The following ERAP1 variants were observed in gnomAD, a reference collection of about 807,000 sequenced individuals.
ERAP1 encodes the protein endoplasmic reticulum aminopeptidase 1, also known as adipocyte-derived leucine aminopeptidase.
In ERAP1, 86 loss-of-function variants were observed where a neutral mutation model predicts 103.7. That is an observed-to-expected ratio of 0.83 (90% confidence interval 0.70 to 0.99). ERAP1 has a LOEUF of 0.99. ERAP1 is among the 50% of genes least tolerant of loss of function. ERAP1 has a pLI of 0.00. For synonymous variants in ERAP1, 398 were observed against 402.4 expected, an observed-to-expected ratio of 0.99 and a Z score of 0.13; for missense variants, 1,009 against 1,128.4, an observed-to-expected ratio of 0.89 and a Z score of 1.52.
the ERAP1 span, chr5:96,913,364 T>C: frequency 6.2e-7 from 1 of 1,614,056 alleles, no homozygotes; most frequent in Middle Eastern, 1.6e-4. Context: ...ACACAGAACT[T>C]GGCAGCTCTC....
the ERAP1 span, among the ~76,000 whole-genome samples, chr5:96,830,351 T>G: frequency 6.6e-6 from 1 of 152,176 alleles, no homozygotes; most frequent in Non-Finnish European, 1.5e-5. Flanking sequence ...CTAGGAAATT[T>G]GAAGATGTGC....
At chr5:96,899,972 C>G in the ERAP1 span, 1 of 902,486 alleles carries the variant, frequency 1.1e-6, no homozygotes, top group Non-Finnish European at 1.7e-6. Context: ...TGCAAACATG[C>G]CTTTTTTTCC....
At chr5:96,927,588 G>T in the ERAP1 span, among the ~76,000 whole-genome samples, 2 of 152,004 alleles carry the variant, frequency 1.3e-5, no homozygotes, top group Non-Finnish European at 2.9e-5. Context: ...CCGGGTTCAC[G>T]CCATTCTCCT....
the ERAP1 span, among the ~76,000 whole-genome samples, chr5:96,870,129 C>G: frequency 8.5e-5 from 13 of 152,100 alleles, no homozygotes; most frequent in African/African-American, 2.9e-4. Context: ...ATAGTAGGAC[C>G]AGGGGCTGCA....
At chr5:96,868,645 G>A in the ERAP1 span, among the ~76,000 whole-genome samples, 1 of 152,110 alleles carries the variant, frequency 6.6e-6, no homozygotes, top group African/African-American at 2.4e-5. Flanking sequence ...TCAAATTTTA[G>A]TGTGTATCAG....
the ERAP1 span, chr5:96,913,359 G>A: frequency 1.2e-6 from 2 of 1,614,100 alleles, no homozygotes; most frequent in East Asian, 4.5e-5. Context: ...TCAAGACACA[G>A]AACTTGGCAG....
chr5:96,902,575 T>A, the ERAP1 span: 1 of 424,314 alleles, frequency 2.4e-6, no homozygotes, highest in Non-Finnish European at 4.2e-6. Context: ...TAGAGACAGA[T>A]TATTTACATC....
chr5:96,889,910 C>A, the ERAP1 span, among the ~76,000 whole-genome samples: 1 of 151,836 alleles, frequency 6.6e-6, no homozygotes, highest in African/African-American at 2.4e-5. Flanking sequence ...ATCACCATAC[C>A]TTATTTGTAC....
At chr5:96,899,273 C>G in the ERAP1 span, among the ~76,000 whole-genome samples, 1 of 152,114 alleles carries the variant, frequency 6.6e-6, no homozygotes, top group Non-Finnish European at 1.5e-5. Context: ...CAGCTAGTTC[C>G]TAGTTTTAAG....
Position 96,803,133 on chromosome 5 carries a change from G to A in ERAP1, c.524+270C>T, listed in dbSNP as rs184828402. ...TACACAGTTCAGGAAAATTAAACAT[G>A]TTTATTATGTCTCAGAAATCGAACC... On this transcript the variant is annotated intron_variant, in intron 2 of 18. Coordinates refer to ENST00000443439, the MANE Select transcript of ERAP1 (RefSeq NM_001040458.3). Among the ~76,000 whole-genome samples the A allele has an allele frequency of 2.5e-3, 381 of 152,204 alleles. 6 individuals are homozygous for A. Among genetic ancestry groups the A allele is most frequent in the Admixed American group, 0.022 (336 of 15,280 alleles).
chr5:96,875,574 G>T, the ERAP1 span, among the ~76,000 whole-genome samples: 1 of 151,776 alleles, frequency 6.6e-6, no homozygotes, highest in Non-Finnish European at 1.5e-5. Flanking sequence ...AAATCAACAG[G>T]CTTTGGTAAC....
At chr5:96,879,618 C>T in the ERAP1 span, 3 of 1,280,460 alleles carry the variant, frequency 2.3e-6, no homozygotes, top group Non-Finnish European at 3.4e-6. Context: ...TAACTGGAGC[C>T]AGTGCAGTGC....
At chr5:96,778,422 A>G (rs1466122205) in intron 18 of ERAP1, among the ~76,000 whole-genome samples, 2 of 152,190 alleles carry the variant, frequency 1.3e-5, no homozygotes, top group Non-Finnish European at 2.9e-5. Context: ...AAGTTGGGGA[A>G]TGGGCAAGCC....
the ERAP1 span, among the ~76,000 whole-genome samples, chr5:96,931,025 C>T: frequency 6.6e-6 from 1 of 152,136 alleles, no homozygotes; most frequent in Non-Finnish European, 1.5e-5. Flanking sequence ...GTCAGCATTA[C>T]CTGGTTAGTA....
At chr5:96,925,135 T>G in the ERAP1 span, among the ~76,000 whole-genome samples, 1 of 152,240 alleles carries the variant, frequency 6.6e-6, no homozygotes, top group East Asian at 1.9e-4. Context: ...GGTTTGCTAT[T>G]ACAAGTCTAA....
the ERAP1 span, among the ~76,000 whole-genome samples, chr5:96,850,816 T>C: frequency 6.6e-6 from 1 of 152,172 alleles, no homozygotes. Context: ...AGAAAGCCAA[T>C]ATTTGTACAC....
At chr5:96,793,259 C>T (rs77311599) in intron 7 of ERAP1, 141 bp downstream of exon 7, 10,930 of 710,610 alleles carry the variant, frequency 0.015, 263 homozygotes, top group Admixed American at 0.082. Context: ...TTTTGCAACA[C>T]GATTCATATC....
chr5:96,904,658 AAGG>A, the ERAP1 span, among the ~76,000 whole-genome samples: 1 of 152,206 alleles, frequency 6.6e-6, no homozygotes, highest in Non-Finnish European at 1.5e-5. Context: ...TGCCTGCTCA[AAGG>A]AGAAGCTCTG....
At chr5:96,933,485 G>A in the ERAP1 span, among the ~76,000 whole-genome samples, 1 of 152,126 alleles carries the variant, frequency 6.6e-6, no homozygotes, top group South Asian at 2.1e-4. Context: ...GGAGGCAAGA[G>A]GTTGGCAAAG....
Sources: gnomAD v4.1 joint callset for allele counts (sites outside exome capture counted in the v4.1 genomes callset) on GRCh38, gnomAD v4.1.1 for gene constraint, MANE v1.5 for transcripts, NCBI Gene and HGNC (gene_info 2026-07-23, HGNC 2026-07-21) for gene names.